SPATA13: variants seen among roughly 807,000 people sequenced by gnomAD.
The protein encoded by SPATA13 is spermatogenesis associated 13.
SPATA13 carries 50 observed loss-of-function variants against 104.0 expected under a neutral mutation model. The ratio of observed to expected loss-of-function variants is 0.48; its 90% CI spans 0.38 to 0.61. SPATA13 has a LOEUF of 0.61. SPATA13 is among the 20% of genes least tolerant of loss of function. The pLI is 0.00. For missense variants in SPATA13, 1,524 were observed against 1,690.6 expected, an observed-to-expected ratio of 0.90 and a Z score of 1.73; for synonymous variants, 606 against 667.5, an observed-to-expected ratio of 0.91 and a Z score of 1.42.
chr13:24,279,830 A>G (rs1875363631), intron 4 of SPATA13, among the ~76,000 whole-genome samples: 1 of 152,142 alleles, frequency 6.6e-6, no homozygotes, highest in African/African-American at 2.4e-5. Flanking sequence ...TCCCTCGTCC[A>G]TGTTTCAAGT....
Position 24,208,459 on chromosome 13 carries a change from A to G in SPATA13, c.-111-14360A>G, listed in dbSNP as rs562943068. ...CCCCAGTGCTCCTAGCACTCCAGTG[A>G]GTGAATATAGGTGGAGTCTGAGTTC... is the stretch of plus-strand genomic sequence containing the variant. On this transcript the variant is annotated intron_variant, in intron 1 of 12. Transcript: ENST00000382108. Among the ~76,000 whole-genome samples, 4 of 152,226 alleles carry G rather than the reference A, an allele frequency of 2.6e-5. No individual in the cohort carries two copies. The East Asian group carries it at 7.7e-4, about 29-fold the overall frequency.
intron 3 of SPATA13, among the ~76,000 whole-genome samples, chr13:24,111,882 A>G (rs1177025847): frequency 2.0e-5 from 3 of 152,156 alleles, no homozygotes; most frequent in Admixed American, 6.5e-5. Context: ...ACTAACTCAT[A>G]ATCTCCCCAT....
intron 2 of SPATA13, among the ~76,000 whole-genome samples, chr13:24,249,217 C>T (rs543631055): frequency 6.6e-6 from 1 of 152,290 alleles, no homozygotes; most frequent in African/African-American, 2.4e-5. Flanking sequence ...CATTGGTCAC[C>T]AAACCACTAT....
chr13:23,992,429 G>C (rs1875457188), intron 2 of SPATA13, among the ~76,000 whole-genome samples: 1 of 152,228 alleles, frequency 6.6e-6, no homozygotes, highest in African/African-American at 2.4e-5. Context: ...TTACCGCCTG[G>C]ATACAGACCA....
intron 3 of SPATA13, among the ~76,000 whole-genome samples, chr13:24,142,568 GTTTTTCCTTGACT>G (rs1369924015): frequency 6.6e-6 from 1 of 152,104 alleles, no homozygotes; most frequent in Admixed American, 6.5e-5. Flanking sequence ...CATGGGAAGT[GTTTTTCCTTGACT>G]TTTTTGTGTG....
chr13:24,026,664 G>A (rs375306122), intron 3 of SPATA13, among the ~76,000 whole-genome samples: 2 of 152,096 alleles, frequency 1.3e-5, no homozygotes, highest in African/African-American at 4.8e-5. Flanking sequence ...TGCAAGCTCC[G>A]CCTCCCGGGT....
At chr13:24,281,933 C>A (rs1272384375) in intron 4 of SPATA13, among the ~76,000 whole-genome samples, 1 of 152,192 alleles carries the variant, frequency 6.6e-6, no homozygotes, top group Non-Finnish European at 1.5e-5. Flanking sequence ...ATCATGACAG[C>A]CCTGTCTGTG....
intron 3 of SPATA13, among the ~76,000 whole-genome samples, chr13:24,115,756 A>G (rs12585481): frequency 0.18 from 27,165 of 152,190 alleles, 3,211 homozygotes; most frequent in Middle Eastern, 0.33. Flanking sequence ...GTTGTGATCA[A>G]GGTATCAGCG....
At chr13:24,130,967 G>C (rs1016747872) in intron 3 of SPATA13, among the ~76,000 whole-genome samples, 4 of 152,308 alleles carry the variant, frequency 2.6e-5, no homozygotes, top group Admixed American at 1.3e-4. Flanking sequence ...GGGGTGGAGC[G>C]GGGGACGCTT....
At chr13:24,247,483 T>TTTTTTTTTTTG (rs1873209093) in intron 2 of SPATA13, among the ~76,000 whole-genome samples, 1 of 132,594 alleles carries the variant, frequency 7.5e-6, no homozygotes, top group African/African-American at 2.8e-5. Context: ...ATTCACTTTT[T>TTTTTTTTTTTG]TTTTTTTTTT....
chr13:24,052,492 T>TG (rs754597326), intron 3 of SPATA13, among the ~76,000 whole-genome samples: 1 of 16,266 alleles, frequency 6.1e-5, no homozygotes, highest in Non-Finnish European at 2.3e-4. Context: ...GAAATATATG[T>TG]TTTTTTTTTT....
chr13:24,235,948 T>C (rs572571083), intron 2 of SPATA13, among the ~76,000 whole-genome samples: 1 of 152,238 alleles, frequency 6.6e-6, no homozygotes, highest in South Asian at 2.1e-4. Context: ...AGTTCCATCA[T>C]GCAACACTGT....
chr13:24,016,871 C>T lies in SPATA13; in HGVS notation c.-146-796C>T, dbSNP rs917084471. On this transcript the variant is annotated intron_variant, in intron 2 of 14. Coordinates refer to the SPATA13 transcript ENST00000424834. ...GGGTGCAGAGAATCCAGGGCTGGTG[C>T]AGGATGGCGCTGCCCCCGCCCAGGC... 5.3e-5 allele frequency among the ~76,000 whole-genome samples: 8 copies of T among 152,348 alleles called. No homozygotes were observed. The South Asian group carries it at 1.4e-3, about 28-fold the overall frequency.
chr13:24,093,972 G>A (rs59094953), intron 3 of SPATA13, among the ~76,000 whole-genome samples: 130 of 152,266 alleles, frequency 8.5e-4, no homozygotes, highest in African/African-American at 3.0e-3. Context: ...TCATTGTGCA[G>A]TAATGATGCT....
chr13:24,175,797 G>T (rs1361373690), intron 1 of SPATA13, among the ~76,000 whole-genome samples: 1 of 152,200 alleles, frequency 6.6e-6, no homozygotes, highest in East Asian at 1.9e-4. Context: ...ACGGATCTAG[G>T]TGTCATTTTT....
chr13:24,158,835 A>G (rs2138480385), upstream of SPATA13, among the ~76,000 whole-genome samples: 1 of 152,158 alleles, frequency 6.6e-6, no homozygotes, highest in South Asian at 2.1e-4. Context: ...AAGGTCCAGC[A>G]CTCGCCCAGG....
intron 3 of SPATA13, among the ~76,000 whole-genome samples, chr13:24,120,184 C>T (rs1343575262): frequency 6.6e-6 from 1 of 151,896 alleles, no homozygotes; most frequent in Non-Finnish European, 1.5e-5. Context: ...TCTTGGGATT[C>T]TGTTTCCGCC....
chr13:24,043,680 T>G (rs796281107), intron 3 of SPATA13, among the ~76,000 whole-genome samples: 73 of 152,304 alleles, frequency 4.8e-4, no homozygotes, highest in Admixed American at 1.4e-3. Context: ...GGAATTTTTT[T>G]TTGTTGTTGA....
At chr13:24,135,875 G>A (rs1289549192) in intron 3 of SPATA13, among the ~76,000 whole-genome samples, 1 of 152,040 alleles carries the variant, frequency 6.6e-6, no homozygotes, top group South Asian at 2.1e-4. Flanking sequence ...TCCTCAGCCC[G>A]ACCTGAGGCA....
Sources: gnomAD v4.1 joint callset for allele counts (sites outside exome capture counted in the v4.1 genomes callset) on GRCh38, gnomAD v4.1.1 for gene constraint, MANE v1.5 for transcripts, NCBI Gene and HGNC (gene_info 2026-07-23, HGNC 2026-07-21) for gene names.